Variants in RBFOX3 observed in about 807,000 individuals in gnomAD.
The protein encoded by RBFOX3 is RNA binding protein fox-1 homolog 3.
In RBFOX3, 17 loss-of-function variants were observed where a neutral mutation model predicts 48.7. That is an observed-to-expected ratio of 0.35 (90% CI 0.24 to 0.52). The LOEUF is 0.52. Among genes scored for constraint, RBFOX3 ranks in the 20% least tolerant of loss-of-function variants. The probability of loss-of-function intolerance (pLI) is 0.94; values close to 1 mark genes in which losing one functional copy is unlikely to be tolerated. For missense variants in RBFOX3, 382 were observed against 497.5 expected, an observed-to-expected ratio of 0.77 and a Z score of 2.21; for synonymous variants, 212 against 209.5, an observed-to-expected ratio of 1.01 and a Z score of -0.10.
At chr17:79,588,649 A>T (rs1415964220) in intron 1 of RBFOX3, among the ~76,000 whole-genome samples, 1 of 152,152 alleles carries the variant, frequency 6.6e-6, no homozygotes, top group East Asian at 1.9e-4. Context: ...GCCCTCCCCC[A>T]AGAGACCTGT....
chr17:79,660,711 G>C, the RBFOX3 span, among the ~76,000 whole-genome samples: 1 of 152,118 alleles, frequency 6.6e-6, no homozygotes, highest in Non-Finnish European at 1.5e-5. Flanking sequence ...TAAATAAGAA[G>C]ATGACGTGGT....
chr17:79,557,021 A>G (rs2091811459), intron 1 of RBFOX3, among the ~76,000 whole-genome samples: 2 of 152,098 alleles, frequency 1.3e-5, no homozygotes, highest in East Asian at 1.9e-4. Context: ...AGGATGGTGG[A>G]TCATTTGAGG....
chr17:79,520,472 G>C (rs916456011), intron 1 of RBFOX3, among the ~76,000 whole-genome samples: 6 of 152,148 alleles, frequency 3.9e-5, no homozygotes, highest in Non-Finnish European at 8.8e-5. Context: ...CAGGTGCCAG[G>C]AACACAGGAT....
chr17:79,383,282 C>T (rs552561908), intron 2 of RBFOX3, among the ~76,000 whole-genome samples: 94 of 152,356 alleles, frequency 6.2e-4, no homozygotes, highest in Admixed American at 2.0e-3. Context: ...CCAGGACAGG[C>T]TGTTGTCTAG....
chr17:79,332,651 G>A, intron 2 of RBFOX3, among the ~76,000 whole-genome samples: 2 of 142,862 alleles, frequency 1.4e-5, no homozygotes, highest in East Asian at 1.9e-4. Context: ...TGGAGACAGA[G>A]AGACAAAGAG....
the RBFOX3 span, among the ~76,000 whole-genome samples, chr17:79,631,903 C>A: frequency 6.6e-6 from 1 of 152,118 alleles, no homozygotes; most frequent in Non-Finnish European, 1.5e-5. Flanking sequence ...CGGAGGGTAC[C>A]CAGCAGATCC....
intron 3 of RBFOX3, among the ~76,000 whole-genome samples, chr17:79,306,742 C>T (rs1054152236): frequency 7.2e-5 from 11 of 152,238 alleles, no homozygotes; most frequent in African/African-American, 2.7e-4. Context: ...AACAGCCCCA[C>T]CTGAGCCAAC....
At chr17:79,193,762 G>T (rs1434392216) in intron 4 of RBFOX3, among the ~76,000 whole-genome samples, 4 of 152,212 alleles carry the variant, frequency 2.6e-5, no homozygotes, top group African/African-American at 9.7e-5. Flanking sequence ...TGTGGAGAGG[G>T]TCAATGGAGC....
chr17:79,622,306 T>G, the RBFOX3 span, among the ~76,000 whole-genome samples: 1 of 152,266 alleles, frequency 6.6e-6, no homozygotes, highest in African/African-American at 2.4e-5. Context: ...AGTTCCAACC[T>G]GCTCTTGGAG....
chr17:79,472,909 CTTTGT>C (rs2149390629), intron 2 of RBFOX3, among the ~76,000 whole-genome samples: 1 of 152,204 alleles, frequency 6.6e-6, no homozygotes, highest in South Asian at 2.1e-4. Context: ...ATTTTTGTTT[CTTTGT>C]TTTGTTTTTT....
intron 2 of RBFOX3, among the ~76,000 whole-genome samples, chr17:79,339,770 C>T (rs374053469): frequency 2.6e-5 from 4 of 152,226 alleles, no homozygotes; most frequent in African/African-American, 4.8e-5. Context: ...TAACCTTAGA[C>T]AAGTCACTCA....
chr17:79,210,459 C>T (rs2058226727), intron 4 of RBFOX3, among the ~76,000 whole-genome samples: 2 of 152,220 alleles, frequency 1.3e-5, no homozygotes, highest in South Asian at 2.1e-4. Flanking sequence ...GTCTCACGGC[C>T]GCACAATATC....
At chr17:79,160,939 C>T (rs116958186) in intron 4 of RBFOX3, among the ~76,000 whole-genome samples, 1,942 of 148,582 alleles carry the variant, frequency 0.013, 13 homozygotes, top group Non-Finnish European at 0.02. Context: ...GAGATCACAC[C>T]ATTGTACTCC....
Position 79,204,118 on chromosome 17 carries a change from C to T in RBFOX3, c.-34+31648G>A, listed in dbSNP as rs1012694148. Among the ~76,000 whole-genome samples the T allele has an allele frequency of 8.5e-5, 13 of 152,194 alleles. No homozygotes were observed. Among genetic ancestry groups the T allele is most frequent in the Admixed American group, 4.6e-4 (7 of 15,288 alleles). On this transcript the variant is annotated intron_variant, in intron 4 of 14. Transcript: ENST00000693108. The surrounding 1 kb of genome is among the most constrained non-coding windows in gnomAD (Gnocchi z 4.5). Reference sequence around the variant, plus strand: ...AATTTTCTCATGAGATAACACTTGTCCCCCACTGAGAGCTGCCCCTACTTC... The same window carrying T: ...AATTTTCTCATGAGATAACACTTGTTCCCCACTGAGAGCTGCCCCTACTTC...
intron 2 of RBFOX3, among the ~76,000 whole-genome samples, chr17:79,387,316 C>A (rs1326135418): frequency 6.6e-6 from 1 of 152,244 alleles, no homozygotes; most frequent in Non-Finnish European, 1.5e-5. Flanking sequence ...ACCCCAGCAT[C>A]CTTAAAGGTT....
At chr17:79,648,389 C>A in the RBFOX3 span, among the ~76,000 whole-genome samples, 3 of 152,204 alleles carry the variant, frequency 2.0e-5, no homozygotes, top group Non-Finnish European at 4.4e-5. Flanking sequence ...AACTGGGCCG[C>A]TGAGGTATGA....
chr17:79,335,520 G>C (rs961674761), intron 2 of RBFOX3, among the ~76,000 whole-genome samples: 7 of 152,192 alleles, frequency 4.6e-5, no homozygotes, highest in African/African-American at 1.7e-4. Flanking sequence ...GGATCCTCTA[G>C]AATCAGGACT....
At chr17:79,420,990 C>T (rs1183136977) in intron 2 of RBFOX3, among the ~76,000 whole-genome samples, 2 of 152,090 alleles carry the variant, frequency 1.3e-5, no homozygotes, top group African/African-American at 4.8e-5. Context: ...CATGGAGGCC[C>T]AGGGGCTTCC....
At chr17:79,174,539 TCA>T (rs1294578442) in intron 4 of RBFOX3, among the ~76,000 whole-genome samples, 1 of 147,430 alleles carries the variant, frequency 6.8e-6, no homozygotes, top group African/African-American at 2.5e-5. Flanking sequence ...ACATGCACAG[TCA>T]CACACTGATA....
Sources: gnomAD v4.1 joint callset for allele counts (sites outside exome capture counted in the v4.1 genomes callset) on GRCh38, gnomAD v4.1.1 for gene constraint, Gnocchi (gnomAD v3.1) non-coding constraint, MANE v1.5 for transcripts, NCBI Gene and HGNC (gene_info 2026-07-23, HGNC 2026-07-21) for gene names.